GPD2: variants seen among roughly 807,000 people sequenced by gnomAD.
GPD2 encodes the protein glycerol-3-phosphate dehydrogenase 2, also known as glycerol-3-phosphate dehydrogenase, mitochondrial.
In GPD2, 54 loss-of-function variants were observed where a neutral mutation model predicts 82.4. The observed-to-expected ratio is 0.66, with a 90% CI of 0.53 to 0.82. The LOEUF is 0.82. GPD2 is among the 40% of genes least tolerant of loss of function. GPD2 has a pLI of 0.00. For synonymous variants in GPD2, 288 were observed against 306.1 expected (o/e 0.94, Z 0.62); for missense variants, 748 against 896.2 (o/e 0.83, Z 2.11).
At chr2:156,543,107 G>T (rs952638340) in intron 6 of GPD2, among the ~76,000 whole-genome samples, 3 of 152,076 alleles carry the variant, frequency 2.0e-5, no homozygotes, top group African/African-American at 7.2e-5. Flanking sequence ...TTTATCACTA[G>T]CCTCCTCCCT....
intron 6 of GPD2, among the ~76,000 whole-genome samples, chr2:156,543,221 C>T (rs774557199): frequency 6.6e-6 from 1 of 152,098 alleles, no homozygotes; most frequent in South Asian, 2.1e-4. Context: ...ATCCCATGAC[C>T]ATAGTTGAAT....
At position 156,504,628 on chromosome 2, in the gene GPD2, G is replaced by A. The variant is rs959918490; in HGVS notation, c.275-6168G>A. ...AATTAAAGATACAAGGAGTTTAAATGAAAATATAATCTTGCAGCACTATCT... is the reference window on the plus strand; with the variant it reads ...AATTAAAGATACAAGGAGTTTAAATAAAAATATAATCTTGCAGCACTATCT... On this transcript the variant is annotated intron_variant, in intron 3 of 16. Transcript: ENST00000438166. Among the ~76,000 whole-genome samples, 13 of 151,786 alleles carry A rather than the reference G, an allele frequency of 8.6e-5. No individual in the cohort carries two copies. In the South Asian group the frequency reaches 2.7e-3, roughly 31 times the overall value.
intron 9 of GPD2, among the ~76,000 whole-genome samples, chr2:156,568,068 A>C (rs1233612389): frequency 1.3e-5 from 2 of 152,212 alleles, no homozygotes; most frequent in Non-Finnish European, 2.9e-5. Flanking sequence ...AGTTGTCAGA[A>C]GTTGAGAGAC....
intron 6 of GPD2, among the ~76,000 whole-genome samples, chr2:156,527,880 T>G (rs1685672068): frequency 6.6e-6 from 1 of 152,124 alleles, no homozygotes; most frequent in Non-Finnish European, 1.5e-5. Flanking sequence ...ATTTGGTGAT[T>G]TGTGTTTTAT....
At chr2:156,579,455 A>G (rs1687951061) in intron 15 of GPD2, among the ~76,000 whole-genome samples, 1 of 151,256 alleles carries the variant, frequency 6.6e-6, no homozygotes, top group African/African-American at 2.4e-5. Context: ...CAGCCTCCAG[A>G]GTAGCTGGGA....
chr2:156,571,065 A>G (rs931288650), intron 12 of GPD2, 69 bp from the exon 13 acceptor site: 3 of 1,020,250 alleles, frequency 2.9e-6, no homozygotes, highest in Non-Finnish European at 4.7e-6. Context: ...ATTTTTTTTA[A>G]GTGAAGCTTT....
upstream of GPD2, among the ~76,000 whole-genome samples, chr2:156,432,548 T>C (rs545245144): frequency 6.8e-5 from 10 of 147,076 alleles, no homozygotes; most frequent in African/African-American, 2.4e-4. Flanking sequence ...GATAACGGCC[T>C]GCAGCTGCAT....
At chr2:156,532,507 T>G (rs1282622927) in intron 6 of GPD2, among the ~76,000 whole-genome samples, 2 of 152,208 alleles carry the variant, frequency 1.3e-5, no homozygotes, top group East Asian at 3.8e-4. Flanking sequence ...ACCTGCACTT[T>G]TTGAACAATA....
intron 2 of GPD2, among the ~76,000 whole-genome samples, chr2:156,490,387 GAA>G (rs5835615): frequency 3.1e-5 from 4 of 129,978 alleles, no homozygotes; most frequent in African/African-American, 9.0e-5. Context: ...AGCTTTTATG[GAA>G]AAAAAAAAAA....
chr2:156,529,295 T>C, intron 6 of GPD2, among the ~76,000 whole-genome samples: 2 of 149,888 alleles, frequency 1.3e-5, no homozygotes, highest in African/African-American at 4.9e-5. Flanking sequence ...GTTTGTTTTT[T>C]TCTTGTAAAT....
At chr2:156,415,400 C>G in the GPD2 span, among the ~76,000 whole-genome samples, 2 of 151,950 alleles carry the variant, frequency 1.3e-5, no homozygotes, top group East Asian at 3.9e-4. Flanking sequence ...CCTCGTGATC[C>G]ACCCGCCTCG....
In GPD2 at chr2:156,578,993, C is replaced by T. The variant is rs756549294; in HGVS notation, c.1872C>T (p.Asp624=). Residue 624 remains aspartate, a synonymous_variant, in exon 14 of 17, where the codon GAC becomes GAT. Coordinates refer to ENST00000438166, the MANE Select transcript of GPD2 (RefSeq NM_000408.5). The stretch of plus-strand genomic sequence containing the variant: ...CTGAAATTAGCCTACTGCCTTCAGA[C>T]ATTGACAGGTACTTATAATAAGTGT... The part of the protein sequence containing the change: ...DRSEISLLPS[D]IDRYKKRFHK... 1.9e-6 allele frequency: 3 copies of T among 1,588,730 alleles called. No homozygotes were observed. The highest frequency in any genetic ancestry group is 2.7e-5 in the African/African-American group (2 of 74,340).
At chr2:156,535,260 G>A (rs1355343371) in intron 6 of GPD2, among the ~76,000 whole-genome samples, 3 of 151,274 alleles carry the variant, frequency 2.0e-5, no homozygotes, top group African/African-American at 7.3e-5. Context: ...ATGCTGATGG[G>A]AAGGAATCCC....
chr2:156,407,466 TCTATGTTCA>T, the GPD2 span, among the ~76,000 whole-genome samples: 1 of 152,212 alleles, frequency 6.6e-6, no homozygotes, highest in African/African-American at 2.4e-5. Flanking sequence ...TTTTAGTGGC[TCTATGTTCA>T]TTTTTTAAAC....
At chr2:156,470,545 G>A (rs1025204138) in intron 1 of GPD2, among the ~76,000 whole-genome samples, 2 of 152,184 alleles carry the variant, frequency 1.3e-5, no homozygotes, top group Non-Finnish European at 2.9e-5. Context: ...TGATAAGTAA[G>A]GCTTCTGGAA....
intron 2 of GPD2, among the ~76,000 whole-genome samples, chr2:156,477,320 T>C (rs1401159185): frequency 2.0e-5 from 3 of 152,136 alleles, no homozygotes; most frequent in Non-Finnish European, 4.4e-5. Flanking sequence ...TAGTCCCAGC[T>C]ACTCTGGAGG....
the GPD2 span, among the ~76,000 whole-genome samples, chr2:156,425,992 G>A: frequency 6.7e-6 from 1 of 148,412 alleles, no homozygotes; most frequent in Admixed American, 6.9e-5. Flanking sequence ...GCGCCATCTC[G>A]GCTCACTGCA....
chr2:156,442,113 T>G (rs1014380432), intron 1 of GPD2, among the ~76,000 whole-genome samples: 2 of 152,222 alleles, frequency 1.3e-5, no homozygotes, highest in Non-Finnish European at 2.9e-5. Context: ...CATATTTGAT[T>G]GTGCACATAT....
At chr2:156,495,205 C>G (rs186949784) in intron 2 of GPD2, among the ~76,000 whole-genome samples, 18 of 152,114 alleles carry the variant, frequency 1.2e-4, no homozygotes, top group Non-Finnish European at 2.6e-4. Context: ...GAAAATCAGC[C>G]AGGCTTGGTG....
Sources: gnomAD v4.1 joint callset for allele counts (sites outside exome capture counted in the v4.1 genomes callset) on GRCh38, gnomAD v4.1.1 for gene constraint, MANE v1.5 for transcripts, NCBI Gene and HGNC (gene_info 2026-07-23, HGNC 2026-07-21) for gene names.